Variants in CTNNA2 observed in about 807,000 individuals in gnomAD.
CTNNA2 encodes the protein catenin alpha-2.
Under a neutral mutation model 101.0 loss-of-function variants are expected in CTNNA2, and 42 were observed. The ratio of observed to expected loss-of-function variants is 0.42; its 90% CI spans 0.32 to 0.54. The LOEUF is 0.54. CTNNA2 is among the 20% of genes least tolerant of loss of function. The pLI is 0.14. For synonymous variants in CTNNA2, 450 were observed against 456.4 expected, an observed-to-expected ratio of 0.99 and a Z score of 0.18; for missense variants, 871 against 1,223.1, an observed-to-expected ratio of 0.71 and a Z score of 4.29.
chr2:79,424,780 T>TAA (rs970943208), intron 4 of CTNNA2, among the ~76,000 whole-genome samples: 1 of 152,120 alleles, frequency 6.6e-6, no homozygotes, highest in African/African-American at 2.4e-5. Flanking sequence ...TCAAAAGATA[T>TAA]AAAACGAATA....
rs112127356 is a variant in CTNNA2 at position 80,105,733 on chromosome 2, C to CAA, written c.1056+195947_1056+195948dup. 2.1e-3 allele frequency among the ~76,000 whole-genome samples: 305 copies of CAA among 143,200 alleles called. 2 individuals carry two copies. Among genetic ancestry groups the CAA allele is most frequent in the African/African-American group, 7.5e-3 (292 of 38,868 alleles). The allele number at this position is 143,200 out of a possible 152,430, so 93.9% of individuals were successfully genotyped here. A position where few individuals can be genotyped will look rare whatever the true frequency, so the allele number is the denominator to read the frequency against. On this transcript the variant is annotated intron_variant, in intron 7 of 18. Coordinates refer to ENST00000402739, the MANE Select transcript of CTNNA2 (RefSeq NM_001282597.3). ...TGGGCAACAGAGGGAGATCTTGTCT[C>CAA]AAAAAAAAAAAAGATTGAACTTAAA...
intron 7 of CTNNA2, among the ~76,000 whole-genome samples, chr2:79,993,096 C>G (rs1022185224): frequency 1.3e-5 from 2 of 152,146 alleles, no homozygotes; most frequent in Admixed American, 1.3e-4. Context: ...AGGAAAAAAA[C>G]GACTCAAACT....
intron 2 of CTNNA2, among the ~76,000 whole-genome samples, chr2:79,203,348 A>T (rs901565085): frequency 7.2e-5 from 11 of 152,242 alleles, no homozygotes; most frequent in African/African-American, 2.7e-4. Context: ...AATGAAACAT[A>T]TGTTAAAGAT....
At chr2:80,203,834 G>A (rs560828438) in intron 7 of CTNNA2, among the ~76,000 whole-genome samples, 1 of 152,300 alleles carries the variant, frequency 6.6e-6, no homozygotes, top group African/African-American at 2.4e-5. Flanking sequence ...CTCTATGAGG[G>A]TCCCACCCCT....
intron 2 of CTNNA2, among the ~76,000 whole-genome samples, chr2:79,741,617 C>T (rs772385945): frequency 2.0e-5 from 3 of 152,038 alleles, no homozygotes; most frequent in Non-Finnish European, 4.4e-5. Context: ...TAAATGTATG[C>T]TGATTGTGAA....
chr2:79,579,740 G>A (rs1362032907), intron 1 of CTNNA2, among the ~76,000 whole-genome samples: 3 of 152,008 alleles, frequency 2.0e-5, no homozygotes, highest in Non-Finnish European at 4.4e-5. Flanking sequence ...TCAGCCTCCC[G>A]AATAGCTGGG....
intron 1 of CTNNA2, among the ~76,000 whole-genome samples, chr2:79,636,107 A>T (rs1373513182): frequency 3.9e-5 from 2 of 51,854 alleles, no homozygotes; most frequent in Non-Finnish European, 5.7e-5. Context: ...TAAAAATACA[A>T]AAAAAAAAAA....
At chr2:79,743,668 C>T (rs745343615) in intron 2 of CTNNA2, among the ~76,000 whole-genome samples, 16 of 151,474 alleles carry the variant, frequency 1.1e-4, no homozygotes, top group East Asian at 7.8e-4. Flanking sequence ...CAAGTAGCTG[C>T]GATTGTAGGC....
At chr2:79,716,225 CCAA>C (rs1471855363) in intron 2 of CTNNA2, among the ~76,000 whole-genome samples, 1 of 152,064 alleles carries the variant, frequency 6.6e-6, no homozygotes, top group Non-Finnish European at 1.5e-5. Context: ...TGCCAATACA[CCAA>C]CAATTTATTT....
At chr2:80,250,255 T>C (rs1453581975) in intron 7 of CTNNA2, among the ~76,000 whole-genome samples, 2 of 151,204 alleles carry the variant, frequency 1.3e-5, no homozygotes, top group Non-Finnish European at 2.9e-5. Context: ...GTTGGTGACA[T>C]GTTAATTTGA....
At chr2:79,459,213 C>T (rs569525814) in intron 4 of CTNNA2, among the ~76,000 whole-genome samples, 10 of 152,234 alleles carry the variant, frequency 6.6e-5, no homozygotes, top group African/African-American at 2.2e-4. Flanking sequence ...CATTCAACAT[C>T]TAAGACAAAC....
intron 2 of CTNNA2, among the ~76,000 whole-genome samples, chr2:79,713,089 T>A (rs2104818591): frequency 6.6e-6 from 1 of 152,334 alleles, no homozygotes; most frequent in Admixed American, 6.5e-5. Context: ...TAAATAAATT[T>A]AGTTAAAATT....
intron 1 of CTNNA2, among the ~76,000 whole-genome samples, chr2:79,637,726 T>C (rs940242187): frequency 6.6e-6 from 1 of 152,252 alleles, no homozygotes; most frequent in Non-Finnish European, 1.5e-5. Context: ...TGTATTTTCT[T>C]AGCCTGTTCT....
At chr2:80,066,254 C>T (rs778096800) in intron 7 of CTNNA2, among the ~76,000 whole-genome samples, 51 of 152,034 alleles carry the variant, frequency 3.4e-4, no homozygotes, top group East Asian at 1.5e-3. Flanking sequence ...GCACAGCAAA[C>T]GAAACAAGCA....
intron 7 of CTNNA2, among the ~76,000 whole-genome samples, chr2:80,225,505 AATGCAGAAT>A (rs1239883518): frequency 6.6e-6 from 1 of 152,208 alleles, no homozygotes; most frequent in East Asian, 1.9e-4. Flanking sequence ...GTTTAAGAAA[AATGCAGAAT>A]ATGAGTCCTT....
intron 7 of CTNNA2, among the ~76,000 whole-genome samples, chr2:80,096,511 CTG>C: frequency 6.6e-6 from 1 of 152,188 alleles, no homozygotes; most frequent in East Asian, 1.9e-4. Flanking sequence ...CTGTAGATGT[CTG>C]TATTAGGTCC....
At chr2:80,180,450 A>C (rs998788670) in intron 7 of CTNNA2, among the ~76,000 whole-genome samples, 5 of 152,214 alleles carry the variant, frequency 3.3e-5, no homozygotes, top group Admixed American at 2.6e-4. Context: ...CATGAGTCAG[A>C]CTATTCTGAT....
At chr2:79,232,848 C>T (rs1256317917) in intron 2 of CTNNA2, among the ~76,000 whole-genome samples, 2 of 152,026 alleles carry the variant, frequency 1.3e-5, no homozygotes, top group African/African-American at 4.8e-5. Flanking sequence ...AAATAATCCC[C>T]GAGGATATTT....
At chr2:79,935,211 G>A (rs899603258) in intron 7 of CTNNA2, among the ~76,000 whole-genome samples, 1 of 152,114 alleles carries the variant, frequency 6.6e-6, no homozygotes, top group Non-Finnish European at 1.5e-5. Context: ...CCATACTAGG[G>A]AAGAACACTA....
Sources: gnomAD v4.1 joint callset for allele counts (sites outside exome capture counted in the v4.1 genomes callset) on GRCh38, gnomAD v4.1.1 for gene constraint, MANE v1.5 for transcripts, NCBI Gene and HGNC (gene_info 2026-07-23, HGNC 2026-07-21) for gene names.